The following NLRP8 variants were observed in gnomAD, a reference collection of about 807,000 sequenced individuals.
NLRP8 encodes the protein NACHT, LRR and PYD domains-containing protein 8.
NLRP8 carries 86 observed loss-of-function variants against 88.7 expected under a neutral mutation model. The observed-to-expected ratio is 0.97, with a 90% CI of 0.81 to 1.16. The LOEUF is 1.16. Among genes scored for constraint, NLRP8 ranks in the 50% most tolerant of loss-of-function variants. The pLI is 0.00. For missense variants in NLRP8, 1,342 were observed against 1,286.5 expected (o/e 1.04, Z -0.66); for synonymous variants, 504 against 494.6 (o/e 1.02, Z -0.25).
intron 6 of NLRP8, among the ~76,000 whole-genome samples, chr19:55,972,093 A>G (rs992853286): frequency 1.4e-5 from 2 of 147,624 alleles, no homozygotes; most frequent in East Asian, 2.0e-4. Context: ...TTAATCCCAT[A>G]TATTTATTTT....
At chr19:55,952,760 T>C (rs1979152911) in intron 2 of NLRP8, 148 bp downstream of exon 2, 1 of 621,534 alleles carries the variant, frequency 1.6e-6, no homozygotes, top group African/African-American at 1.9e-5. Context: ...ACTCTGTCTC[T>C]ACTAAAAACA....
intron 2 of NLRP8, among the ~76,000 whole-genome samples, chr19:55,952,841 G>C (rs560016896): frequency 7.2e-5 from 11 of 152,276 alleles, no homozygotes; most frequent in African/African-American, 2.6e-4. Flanking sequence ...GAGAAGAATT[G>C]CTTGAACCCG....
chr19:55,975,675 C>G (rs190680401), intron 7 of NLRP8, among the ~76,000 whole-genome samples: 1 of 152,022 alleles, frequency 6.6e-6, no homozygotes, highest in Non-Finnish European at 1.5e-5. Flanking sequence ...AGAAGCTAAA[C>G]GCAAAAAGTC....
intron 1 of NLRP8, among the ~76,000 whole-genome samples, chr19:55,950,436 C>T (rs1979040925): frequency 6.6e-6 from 1 of 151,820 alleles, no homozygotes; most frequent in Non-Finnish European, 1.5e-5. Context: ...CACACACACA[C>T]ACACACACAC....
Position 55,968,340 on chromosome 19 carries a change from G to A in NLRP8, c.2381+1960G>A, listed in dbSNP as rs534240658. Among the ~76,000 whole-genome samples, 112 of 151,984 alleles carry A rather than the reference G, an allele frequency of 7.4e-4. 1 individual carries two copies. The highest frequency in any genetic ancestry group is 2.6e-3 in the African/African-American group (109 of 41,450). ...TATAATCCTAGCTACTCAGGAGGCCGAGGCAGGAGAATTGCTTGAACCCGG... is the reference window on the plus strand; with the variant it reads ...TATAATCCTAGCTACTCAGGAGGCCAAGGCAGGAGAATTGCTTGAACCCGG... On this transcript the variant is annotated intron_variant, in intron 5 of 9. Transcript: ENST00000291971.
Position 55,955,495 on chromosome 19 carries a change from G to A in NLRP8, c.1437G>A (p.Leu479=), listed in dbSNP as rs189853758. Reference sequence around the variant, plus strand: ...AAGAAGATCTTGAGGAAGCCAAGCTGGATCAGACGGGAGTCACCGCCTTCC... The same window carrying A: ...AAGAAGATCTTGAGGAAGCCAAGCTAGATCAGACGGGAGTCACCGCCTTCC... The change falls in exon 3 of 10, where the codon CTG becomes CTA. Residue 479 remains leucine, a synonymous_variant. Coordinates refer to ENST00000291971, the MANE Select transcript of NLRP8 (RefSeq NM_176811.2). The A allele has an allele frequency of 1.9e-4, 303 of 1,614,206 alleles. 1 individual carries two copies. In the East Asian group the frequency reaches 2.8e-3, roughly 15 times the overall value.
rs747690786 is a variant in NLRP8 at position 55,976,161 on chromosome 19, T to G, written c.2734T>G (p.Cys912Gly). The change falls in exon 8 of 10, where the codon TGC becomes GGC. Residue 912 changes from cysteine to glycine, a missense_variant. Cys to Gly is a radical substitution (Grantham distance 159). Coordinates refer to ENST00000291971, the MANE Select transcript of NLRP8 (RefSeq NM_176811.2). ...GAGAAAGTGTGACTTGACCTTTAATTGCTGTCAGGATATGATCTCTGCGCT... is the reference window on the plus strand; with the variant it reads ...GAGAAAGTGTGACTTGACCTTTAATGGCTGTCAGGATATGATCTCTGCGCT... The G allele has an allele frequency of 2.5e-6, 4 of 1,608,058 alleles. No homozygotes were observed. The African/African-American group carries it at 5.4e-5, about 22-fold the overall frequency.
Position 55,952,740 on chromosome 19 carries a change from A to G in NLRP8, c.442+128A>G. The G allele has an allele frequency of 4.4e-6, 3 of 678,210 alleles. No homozygotes were observed. In the South Asian group the frequency reaches 5.5e-5, roughly 12 times the overall value. The allele number at this position is 678,210 out of a possible 1,614,324, so 42.0% of individuals were successfully genotyped here. A position where few individuals can be genotyped will look rare whatever the true frequency, so the allele number is the denominator to read the frequency against. ...AGTGTTTCTTCTACAATCAGAACCA[A>G]CATGGCGAAACTCTGTCTCTACTAA... On this transcript the variant is annotated intron_variant, in intron 2 of 9. Coordinates refer to ENST00000291971, the MANE Select transcript of NLRP8 (RefSeq NM_176811.2).
chr19:55,952,969 C>T lies in NLRP8; in HGVS notation c.442+357C>T, dbSNP rs1450733879. On this transcript the variant is annotated intron_variant, in intron 2 of 9. Coordinates refer to ENST00000291971, the MANE Select transcript of NLRP8 (RefSeq NM_176811.2). ...AAACAGACACAAACCATTGGCTCAG[C>T]GGTCCCCAACCCCCGGGCCATGGAC... Among the ~76,000 whole-genome samples the T allele has an allele frequency of 3.9e-5, 6 of 152,056 alleles. No individual in the cohort carries two copies. In the South Asian group the frequency reaches 6.2e-4, roughly 16 times the overall value.
Position 55,952,145 on chromosome 19 carries a change from T to C in NLRP8, c.368-393T>C, listed in dbSNP as rs138446841. 3.9e-5 allele frequency among the ~76,000 whole-genome samples: 6 copies of C among 152,308 alleles called. No homozygotes were observed. In the East Asian group the frequency reaches 1.2e-3, roughly 29 times the overall value. On this transcript the variant is annotated intron_variant, in intron 1 of 9. Coordinates refer to ENST00000291971, the MANE Select transcript of NLRP8 (RefSeq NM_176811.2). The stretch of plus-strand genomic sequence containing the variant: ...CCTCAGTTGGTTGATCCCACCGATG[T>C]AGATCCCACGGTAATGAAAGGCCGA...
At chr19:55,979,054 A>G (rs1412259685) in intron 8 of NLRP8, among the ~76,000 whole-genome samples, 2 of 152,234 alleles carry the variant, frequency 1.3e-5, no homozygotes, top group African/African-American at 4.8e-5. Flanking sequence ...TGTGAGTTAC[A>G]GGAAGGCAAG....
chr19:55,960,121 C>T (rs1248812651), intron 3 of NLRP8, among the ~76,000 whole-genome samples: 1 of 151,976 alleles, frequency 6.6e-6, no homozygotes, highest in Non-Finnish European at 1.5e-5. Flanking sequence ...CAGGAAAGGC[C>T]TGGGCAAAAC....
At chr19:55,967,364 C>G (rs1979888190) in intron 5 of NLRP8, among the ~76,000 whole-genome samples, 2 of 152,204 alleles carry the variant, frequency 1.3e-5, no homozygotes, top group South Asian at 4.1e-4. Flanking sequence ...CTTCCCAGCC[C>G]CTGGTAACCA....
chr19:55,963,717 AT>A (rs200972890), intron 4 of NLRP8, among the ~76,000 whole-genome samples: 169 of 151,066 alleles, frequency 1.1e-3, no homozygotes, highest in African/African-American at 3.9e-3. Flanking sequence ...TGCCCGGCTA[AT>A]TTTTTTTTTA....
Position 55,954,538 on chromosome 19 carries a change from GT to G in NLRP8, c.485del (p.Phe162SerfsTer62). 1 of 1,613,874 alleles carries G rather than the reference GT, an allele frequency of 6.2e-7. No homozygotes were observed. Among genetic ancestry groups the G allele is most frequent in the Non-Finnish European group, 8.5e-7 (1 of 1,179,960 alleles). The stretch of plus-strand genomic sequence containing the variant: ...GGTATAAATCGAATGTGATGGAAAA[GT>G]TTTTCCCCATATGGGACATTACGAC... On this transcript the variant is annotated frameshift_variant, in exon 3 of 10. Transcript: ENST00000291971. LOFTEE classifies it high-confidence loss of function.
intron 3 of NLRP8, among the ~76,000 whole-genome samples, chr19:55,960,543 C>T (rs1979561043): frequency 6.6e-6 from 1 of 152,110 alleles, no homozygotes. Flanking sequence ...TATGATGCTG[C>T]GTAAAGACCT....
chr19:55,970,640 C>T lies in NLRP8; in HGVS notation c.2478C>T (p.Asn826=). The T allele has an allele frequency of 1.2e-6, 2 of 1,614,088 alleles. No individual in the cohort carries two copies. Among genetic ancestry groups the T allele is most frequent in the Non-Finnish European group, 1.7e-6 (2 of 1,180,016 alleles). Residue 826 remains asparagine (N), a synonymous_variant, in exon 6 of 10, where the codon AAC becomes AAT. Transcript: ENST00000291971. ...TAAAGACTCTCATACTAAGAAAAAACTCCCTGGAGAACTGTGGGGCGTATT... is the reference window on the plus strand; with the variant it reads ...TAAAGACTCTCATACTAAGAAAAAATTCCCTGGAGAACTGTGGGGCGTATT...
rs370853839 is a variant in NLRP8 at position 55,955,444 on chromosome 19, G to A, written c.1386G>A (p.Met462Ile). Residue 462 changes from methionine to isoleucine, a missense_variant, in exon 3 of 10, where the codon ATG becomes ATA. Met to Ile is a conservative substitution (Grantham distance 10). Transcript: ENST00000291971. ...TGTGTCACTTGGCCGCAGACAGCAT[G>A]TGGCACAGGAAATGGGTGTTAGGTA... 5 of 1,614,226 alleles carry A rather than the reference G, an allele frequency of 3.1e-6. No individual in the cohort carries two copies. Among genetic ancestry groups the A allele is most frequent in the Non-Finnish European group, 4.2e-6 (5 of 1,180,040 alleles).
rs145469757 is a variant in NLRP8 at position 55,948,185 on chromosome 19, C to T, written c.283C>T (p.Arg95Ter). The change falls in exon 1 of 10, where the codon CGA becomes TGA. Residue 95 changes from arginine (R) to a stop codon, truncating the protein, a stop_gained. Coordinates refer to ENST00000291971, the MANE Select transcript of NLRP8 (RefSeq NM_176811.2). LOFTEE classifies it high-confidence loss of function. ...TCTCTTGATAGAGCGTTTCCCTGGA[C>T]GACGCGCTTGGGATGTGACTTCGAA... is the stretch of plus-strand genomic sequence containing the variant. The T allele has an allele frequency of 3.3e-4, 529 of 1,614,096 alleles. 1 individual carries two copies. The highest frequency in any genetic ancestry group is 3.8e-4 in the Non-Finnish European group (443 of 1,180,030).
Sources: gnomAD v4.1 joint callset for allele counts (sites outside exome capture counted in the v4.1 genomes callset) on GRCh38, gnomAD v4.1.1 for gene constraint, MANE v1.5 for transcripts, NCBI Gene and HGNC (gene_info 2026-07-23, HGNC 2026-07-21) for gene names.